FARP1: variants seen among roughly 807,000 people sequenced by gnomAD.
FARP1 encodes FERM, ARH/RhoGEF and pleckstrin domain protein 1.
In FARP1, 52 loss-of-function variants were observed where a neutral mutation model predicts 128.8. The observed-to-expected ratio is 0.40, with a 90% CI of 0.32 to 0.51. The LOEUF is 0.51. FARP1 is among the 20% of genes least tolerant of loss of function. The pLI, the probability that FARP1 is intolerant of heterozygous loss-of-function variation, is 0.45. For missense variants in FARP1, 1,333 were observed against 1,367.9 expected, an observed-to-expected ratio of 0.97 and a Z score of 0.40; for synonymous variants, 580 against 551.8, an observed-to-expected ratio of 1.05 and a Z score of -0.72.
At chr13:98,325,086 A>AATG (rs1301980252) in intron 2 of FARP1, among the ~76,000 whole-genome samples, 3 of 152,236 alleles carry the variant, frequency 2.0e-5, no homozygotes, top group Non-Finnish European at 4.4e-5. Context: ...ATGGGATAAT[A>AATG]ATGAAGACTT....
At chr13:98,193,147 TCCCGGGTTC>T (rs1256460453) in intron 1 of FARP1, among the ~76,000 whole-genome samples, 2 of 152,012 alleles carry the variant, frequency 1.3e-5, no homozygotes, top group East Asian at 3.9e-4. Flanking sequence ...AACATCTGTC[TCCCGGGTTC>T]AAGCGATTCT....
chr13:98,410,988 T>G (rs1891168826), intron 15 of FARP1, among the ~76,000 whole-genome samples, 165 bp downstream of exon 15: 1 of 152,188 alleles, frequency 6.6e-6, no homozygotes. Context: ...TATATTTAAT[T>G]GGGAATATAT....
At chr13:98,411,716 C>T (rs1290268512) in intron 15 of FARP1, among the ~76,000 whole-genome samples, 185 bp from the exon 16 acceptor site, 1 of 152,130 alleles carries the variant, frequency 6.6e-6, no homozygotes, top group African/African-American at 2.4e-5. Flanking sequence ...GCTTCTTACC[C>T]CGTCTAAGGA....
chr13:98,221,472 C>T (rs1193946679), intron 2 of FARP1, among the ~76,000 whole-genome samples: 4 of 152,158 alleles, frequency 2.6e-5, no homozygotes, highest in African/African-American at 9.7e-5. Flanking sequence ...AGCTGTGTCC[C>T]AAGGGGCCTT....
chr13:98,226,311 G>T (rs1484712071), intron 2 of FARP1, among the ~76,000 whole-genome samples: 2 of 152,150 alleles, frequency 1.3e-5, no homozygotes, highest in Non-Finnish European at 2.9e-5. Flanking sequence ...TCATCTTCAC[G>T]TGATTTTCTT....
At chr13:98,222,509 A>C (rs930083051) in intron 2 of FARP1, among the ~76,000 whole-genome samples, 13 of 152,072 alleles carry the variant, frequency 8.5e-5, no homozygotes. Context: ...GACCACATAC[A>C]CCTAAGCCTG....
intron 2 of FARP1, among the ~76,000 whole-genome samples, chr13:98,257,771 AG>A (rs1251781926): frequency 6.6e-6 from 1 of 152,028 alleles, no homozygotes; most frequent in Non-Finnish European, 1.5e-5. Flanking sequence ...CTCCATCTTG[AG>A]GGGGAAAAGA....
intron 2 of FARP1, chr13:98,332,269 C>T (rs1296607360): frequency 6.6e-6 from 1 of 151,924 alleles, no homozygotes; most frequent in Non-Finnish European, 1.5e-5. Flanking sequence ...CCTACAACCA[C>T]CATTCTCCTT....
chr13:98,207,908 C>CCACACACACACACACACA lies in FARP1; in HGVS notation c.-23-5268_-23-5251dup, dbSNP rs71111934. Among the ~76,000 whole-genome samples, 167 of 71,606 alleles carry CCACACACACACACACACA rather than the reference C, an allele frequency of 2.3e-3. 16 individuals are homozygous for CCACACACACACACACACA. The highest frequency in any genetic ancestry group is 5.5e-3 in the East Asian group (9 of 1,626). 47.0% of individuals were successfully genotyped at this position (71,606 alleles called of 152,430 possible). A position where few individuals can be genotyped will look rare whatever the true frequency, so the allele number is the denominator to read the frequency against. Reference sequence around the variant, plus strand: ...ATATACTGCTCCCCGACCACCACCTCCACACACACACACACACACACACAC... The same window carrying CCACACACACACACACACA: ...ATATACTGCTCCCCGACCACCACCTCCACACACACACACACACACACACACACACACACACACACACAC... On this transcript the variant is annotated intron_variant, in intron 1 of 26. Transcript: ENST00000319562.
chr13:98,287,315 C>T (rs1463323403), intron 2 of FARP1, among the ~76,000 whole-genome samples: 3 of 144,348 alleles, frequency 2.1e-5, no homozygotes, highest in Non-Finnish European at 4.5e-5. Context: ...CTGCAACCTT[C>T]TCCTCCCGGG....
At chr13:98,444,370 C>T (rs1387737616) in intron 24 of FARP1, among the ~76,000 whole-genome samples, 1 of 151,472 alleles carries the variant, frequency 6.6e-6, no homozygotes, top group African/African-American at 2.4e-5. Flanking sequence ...GGAATGGGAT[C>T]CAAGAAGGGA....
At chr13:98,418,252 A>G (rs532820320) in intron 16 of FARP1, among the ~76,000 whole-genome samples, 1,800 of 141,960 alleles carry the variant, frequency 0.013, 17 homozygotes, top group South Asian at 0.027. Context: ...TTACATGTTT[A>G]TTTGTTTGTT....
chr13:98,145,389 C>T (rs545604940), intron 1 of FARP1, among the ~76,000 whole-genome samples: 92 of 152,270 alleles, frequency 6.0e-4, no homozygotes, highest in African/African-American at 2.0e-3. Context: ...TTAATTGATA[C>T]AGGGATGGAT....
At chr13:98,231,694 C>A (rs1882123766) in intron 2 of FARP1, among the ~76,000 whole-genome samples, 1 of 152,130 alleles carries the variant, frequency 6.6e-6, no homozygotes, top group African/African-American at 2.4e-5. Context: ...CTGCCTTGGC[C>A]TCCGAAAGTG....
At chr13:98,230,347 A>G (rs1378561582) in intron 2 of FARP1, among the ~76,000 whole-genome samples, 1 of 152,222 alleles carries the variant, frequency 6.6e-6, no homozygotes, top group African/African-American at 2.4e-5. Flanking sequence ...AGTGCAATCT[A>G]TGTTTATTGT....
chr13:98,170,361 T>C (rs1171254152), intron 1 of FARP1, among the ~76,000 whole-genome samples: 1 of 151,766 alleles, frequency 6.6e-6, no homozygotes, highest in Non-Finnish European at 1.5e-5. Flanking sequence ...TTTTTGTTTG[T>C]TTGTTTATTT....
chr13:98,290,083 C>A (rs1467038351), intron 2 of FARP1, among the ~76,000 whole-genome samples: 3 of 136,986 alleles, frequency 2.2e-5, no homozygotes, highest in African/African-American at 5.6e-5. Context: ...TGTTGGGTGG[C>A]GAGGAGGGAG....
In FARP1 at chr13:98,409,425, A is replaced by T. The variant is rs767424844; in HGVS notation, c.1502A>T (p.Asn501Ile). 1.2e-6 allele frequency: 2 copies of T among 1,613,894 alleles called. No homozygotes were observed. Among genetic ancestry groups the T allele is most frequent in the Admixed American group, 1.7e-5 (1 of 59,994 alleles). Residue 501 changes from asparagine (N) to isoleucine (I), a missense_variant, in exon 14 of 27, where the codon AAC becomes ATC. This residue lies in a region of FARP1 where 1,009 missense variants were observed against 969.8 expected (regional missense o/e 1.04). Coordinates refer to ENST00000319562, the MANE Select transcript of FARP1 (RefSeq NM_005766.4). Reference sequence around the variant, plus strand: ...CCTGCCAACGTGACCTTGTCTCCCAACCTGAGCCCCGACACCAAGCAGGCC... The same window carrying T: ...CCTGCCAACGTGACCTTGTCTCCCATCCTGAGCCCCGACACCAAGCAGGCC... ...VAPANVTLSP[N>I]LSPDTKQASP... is the part of the protein sequence containing the mutation.
chr13:98,168,912 G>C (rs1284716119), intron 1 of FARP1, among the ~76,000 whole-genome samples: 4 of 152,152 alleles, frequency 2.6e-5, no homozygotes, highest in African/African-American at 9.7e-5. Flanking sequence ...ACCCAATGTG[G>C]TTTGCAGTGC....
Sources: allele counts gnomAD v4.1 joint callset (sites outside exome capture counted in the v4.1 genomes callset), GRCh38; gene constraint gnomAD v4.1.1; regional missense constraint gnomAD v4.1.1; transcripts MANE v1.5; gene names NCBI Gene and HGNC (gene_info 2026-07-23, HGNC 2026-07-21).